Variants in PIR observed in about 807,000 individuals in gnomAD.
The protein encoded by PIR is pirin, also known as pirin (iron-binding nuclear protein).
Under a neutral mutation model 24.2 loss-of-function variants are expected in PIR, and 22 were observed. The observed-to-expected ratio is 0.91, with a 90% CI of 0.65 to 1.30. The LOEUF is 1.30. PIR is among the 50% of genes most tolerant of loss of function. PIR has a pLI of 0.00. For synonymous variants in PIR, 80 were observed against 79.6 expected (o/e 1.00, Z -0.03); for missense variants, 220 against 220.3 (o/e 1.00, Z 0.01).
At chrX:15,470,882 C>T (rs975300641) in intron 3 of PIR, among the ~76,000 whole-genome samples, 37 of 111,712 alleles carry the variant, frequency 3.3e-4, no homozygotes, top group African/African-American at 9.8e-4. Context: ...GGATTACAGG[C>T]GTGAGCCACC....
chrX:15,461,509 G>A (rs926568389), intron 3 of PIR, among the ~76,000 whole-genome samples: 12 of 112,553 alleles, frequency 1.1e-4, no homozygotes, highest in Non-Finnish European at 2.1e-4. Context: ...GGCTGGGTGC[G>A]GTGGCTCACA....
intron 3 of PIR, among the ~76,000 whole-genome samples, chrX:15,478,115 C>A (rs1922307966): frequency 9.3e-6 from 1 of 107,495 alleles, no homozygotes; most frequent in South Asian, 4.1e-4. Flanking sequence ...TTTTATTATC[C>A]AATTAAATTC....
intron 6 of PIR, among the ~76,000 whole-genome samples, chrX:15,417,845 A>G (rs767800665): frequency 9.0e-6 from 1 of 110,997 alleles, no homozygotes; most frequent in Non-Finnish European, 1.9e-5. Context: ...TGTTTCTCTT[A>G]TTTAGATTCT....
At chrX:15,387,073 C>CTTTTTTTTTTTTTTTTTTTTT (rs764572854) in intron 9 of PIR, among the ~76,000 whole-genome samples, 1 of 12,698 alleles carries the variant, frequency 7.9e-5, no homozygotes, top group Non-Finnish European at 1.5e-4. Flanking sequence ...CTTTTCTTTT[C>CTTTTTTTTTTTTTTTTTTTTT]TTTTTTTTTT....
chrX:15,478,022 C>CG (rs1922296755), intron 3 of PIR, among the ~76,000 whole-genome samples: 5 of 83,850 alleles, frequency 6.0e-5, no homozygotes, highest in African/African-American at 2.2e-4. Flanking sequence ...ATTCCCCCCC[C>CG]CCCAGAAAGC....
rs113115205 is a variant in PIR, at chrX:15,430,071, T to A, written c.481-4081A>T. Among the ~76,000 whole-genome samples, 662 of 112,146 alleles carry A rather than the reference T, an allele frequency of 5.9e-3. 6 individuals are homozygous for A. Among genetic ancestry groups the A allele is most frequent in the African/African-American group, 0.02 (619 of 30,891 alleles). ...AATGATAATTTAATTAAATCATTCT[T>A]TTTTGGTTAAAACTTAGCTATCAAT... is the stretch of plus-strand genomic sequence containing the variant. On this transcript the variant is annotated intron_variant, in intron 5 of 9. Transcript: ENST00000380420.
chrX:15,388,940 G>A (rs910026196), intron 9 of PIR, among the ~76,000 whole-genome samples: 30 of 111,966 alleles, frequency 2.7e-4, no homozygotes, highest in African/African-American at 9.1e-4. Context: ...TGATTACTCC[G>A]AGTTTGTATG....
At chrX:15,447,288 T>TTTTG (rs1205798521) in intron 5 of PIR, among the ~76,000 whole-genome samples, 1 of 104,471 alleles carries the variant, frequency 9.6e-6, no homozygotes, top group East Asian at 3.3e-4. Flanking sequence ...CCAGTTGTTT[T>TTTTG]TTTGTTTGTT....
intron 3 of PIR, among the ~76,000 whole-genome samples, chrX:15,467,214 C>T (rs936397676): frequency 8.9e-6 from 1 of 112,424 alleles, no homozygotes; most frequent in African/African-American, 3.2e-5. Flanking sequence ...ATGAAAACAT[C>T]GTGGCTTAGT....
intron 5 of PIR, among the ~76,000 whole-genome samples, chrX:15,453,495 A>C (rs1325104209): frequency 8.9e-6 from 1 of 112,139 alleles, no homozygotes; most frequent in Non-Finnish European, 1.9e-5. Context: ...TCCAGAGTCC[A>C]TGCAGGTAAC....
intron 3 of PIR, among the ~76,000 whole-genome samples, chrX:15,479,157 T>C (rs1018419310): frequency 3.6e-5 from 4 of 112,010 alleles, no homozygotes; most frequent in African/African-American, 1.3e-4. Flanking sequence ...TAAATGTATA[T>C]GTATGTCCTT....
intron 3 of PIR, among the ~76,000 whole-genome samples, chrX:15,461,527 T>C (rs1348112288): frequency 8.9e-6 from 1 of 112,465 alleles, no homozygotes; most frequent in Non-Finnish European, 1.9e-5. Context: ...ACACCTGTAA[T>C]CCCAGCACTT....
intron 2 of PIR, among the ~76,000 whole-genome samples, chrX:15,484,650 C>T (rs374928331): frequency 9.0e-6 from 1 of 111,371 alleles, no homozygotes. Flanking sequence ...TAATCCTGAA[C>T]AGATTGTTGT....
intron 9 of PIR, chrX:15,389,879 C>CT (rs961872088): frequency 1.4e-5 from 2 of 143,640 alleles, no homozygotes; most frequent in African/African-American, 6.3e-5. Context: ...ACTGTAGACT[C>CT]TTTTTTCAAG....
Position 15,476,108 on chromosome X carries a change from T to C in PIR, c.189+3621A>G, listed in dbSNP as rs1236299372. Reference sequence around the variant, plus strand: ...TCAATCATTTGATGATGTAGAAATGTAGATTCTGATCCAGAGCTCTGAAGT... The same window carrying C: ...TCAATCATTTGATGATGTAGAAATGCAGATTCTGATCCAGAGCTCTGAAGT... On this transcript the variant is annotated intron_variant, in intron 3 of 9. Transcript: ENST00000380420. 5.4e-5 allele frequency among the ~76,000 whole-genome samples: 6 copies of C among 112,001 alleles called. No individual in the cohort carries two copies. The Admixed American group carries it at 5.7e-4, about 11-fold the overall frequency.
intron 3 of PIR, among the ~76,000 whole-genome samples, chrX:15,463,196 G>A (rs1443912914): frequency 1.9e-5 from 2 of 107,599 alleles, no homozygotes; most frequent in African/African-American, 6.6e-5. Flanking sequence ...GTATTCAGAA[G>A]CCCACCTGCC....
chrX:15,445,383 C>A (rs1466780890), intron 5 of PIR, among the ~76,000 whole-genome samples: 1 of 109,822 alleles, frequency 9.1e-6, no homozygotes, highest in African/African-American at 3.3e-5. Flanking sequence ...CCGGGCCAGT[C>A]GGGGGGTGGG....
intron 3 of PIR, among the ~76,000 whole-genome samples, chrX:15,474,355 T>C (rs992940958): frequency 8.9e-6 from 1 of 112,121 alleles, no homozygotes; most frequent in Non-Finnish European, 1.9e-5. Context: ...ACTTCTAAGT[T>C]AGGTTTTCAA....
At chrX:15,475,672 T>C (rs910389863) in intron 3 of PIR, among the ~76,000 whole-genome samples, 7 of 112,280 alleles carry the variant, frequency 6.2e-5, no homozygotes, top group African/African-American at 2.3e-4. Flanking sequence ...AGCGGGACTT[T>C]CCCATGTCTC....
Sources: gnomAD v4.1 joint callset for allele counts (sites outside exome capture counted in the v4.1 genomes callset) on GRCh38, gnomAD v4.1.1 for gene constraint, MANE v1.5 for transcripts, NCBI Gene and HGNC (gene_info 2026-07-23, HGNC 2026-07-21) for gene names.